The following TRAPPC9 variants were observed in gnomAD, a reference collection of about 807,000 sequenced individuals.
The protein encoded by TRAPPC9 is IKK2 binding protein.
Under a neutral mutation model 124.0 loss-of-function variants are expected in TRAPPC9, and 83 were observed. The ratio of observed to expected loss-of-function variants is 0.67; its 90% CI spans 0.56 to 0.80. The LOEUF is 0.80. TRAPPC9 is among the 30% of genes least tolerant of loss of function. The pLI, the probability that TRAPPC9 is intolerant of heterozygous loss-of-function variation, is 0.00. For missense variants in TRAPPC9, 1,302 were observed against 1,508.3 expected (o/e 0.86, Z 2.27); for synonymous variants, 638 against 617.5 (o/e 1.03, Z -0.49).
chr8:139,965,151 C>T (rs372109185), intron 19 of TRAPPC9, among the ~76,000 whole-genome samples: 24 of 152,336 alleles, frequency 1.6e-4, no homozygotes, highest in African/African-American at 5.5e-4. Flanking sequence ...GGCTTCTAAC[C>T]ACAAGGCAAG....
chr8:139,762,385 C>T (rs868447226), intron 21 of TRAPPC9, among the ~76,000 whole-genome samples: 12 of 152,108 alleles, frequency 7.9e-5, no homozygotes, highest in Non-Finnish European at 1.6e-4. Context: ...CTGAGAAATG[C>T]GTCATTAGGC....
intron 8 of TRAPPC9, among the ~76,000 whole-genome samples, chr8:140,364,149 A>C (rs1385431363): frequency 6.6e-6 from 1 of 152,032 alleles, no homozygotes; most frequent in Non-Finnish European, 1.5e-5. Context: ...AAGACCTCAG[A>C]CTGATGCAGT....
At chr8:140,076,266 C>A (rs1200488174) in intron 17 of TRAPPC9, among the ~76,000 whole-genome samples, 1 of 152,180 alleles carries the variant, frequency 6.6e-6, no homozygotes, top group African/African-American at 2.4e-5. Flanking sequence ...CAAAATGGCA[C>A]CCCGGAGAGC....
intron 21 of TRAPPC9, among the ~76,000 whole-genome samples, chr8:139,754,284 T>C (rs2130250719): frequency 6.6e-6 from 1 of 152,324 alleles, no homozygotes; most frequent in African/African-American, 2.4e-5. Flanking sequence ...GACTGCCTGG[T>C]CTCAGCTGCA....
chr8:139,958,795 A>C (rs1835164626), intron 19 of TRAPPC9, among the ~76,000 whole-genome samples: 1 of 152,304 alleles, frequency 6.6e-6, no homozygotes, highest in African/African-American at 2.4e-5. Flanking sequence ...TTTCCTTTCC[A>C]CAAGGAAAAG....
intron 3 of TRAPPC9, among the ~76,000 whole-genome samples, chr8:140,438,262 G>A (rs1361569242): frequency 6.6e-6 from 1 of 152,092 alleles, no homozygotes; most frequent in Admixed American, 6.6e-5. Context: ...TACAATCTGC[G>A]GCCTTTTTCA....
At position 139,894,815 on chromosome 8, in the gene TRAPPC9, C is replaced by T. The variant is rs150123072; in HGVS notation, c.2965-8846G>A. On this transcript the variant is annotated intron_variant, in intron 20 of 22. Transcript: ENST00000438773. ...ACGGCCCTCATGGCTCATGGGCACA[C>T]GAAGTCACGCTCAGAGCAGTGACCA... Among the ~76,000 whole-genome samples, 200 of 152,270 alleles carry T rather than the reference C, an allele frequency of 1.3e-3. 1 individual carries two copies. Among genetic ancestry groups the T allele is most frequent in the African/African-American group, 4.0e-3 (165 of 41,554 alleles).
chr8:140,282,402 C>T (rs375507912), intron 14 of TRAPPC9, among the ~76,000 whole-genome samples: 2 of 151,734 alleles, frequency 1.3e-5, no homozygotes, highest in African/African-American at 4.8e-5. Context: ...ACTCAGGAGG[C>T]TGAGGCAGGA....
At chr8:140,184,820 A>G (rs1175941655) in intron 17 of TRAPPC9, among the ~76,000 whole-genome samples, 1 of 152,170 alleles carries the variant, frequency 6.6e-6, no homozygotes, top group Non-Finnish European at 1.5e-5. Context: ...CAAAGCACAC[A>G]TCTAAATCCA....
At chr8:140,103,920 G>C (rs1477303937) in intron 17 of TRAPPC9, among the ~76,000 whole-genome samples, 1 of 152,216 alleles carries the variant, frequency 6.6e-6, no homozygotes, top group Non-Finnish European at 1.5e-5. Context: ...CTGGGAGAGA[G>C]AGACAGTGTA....
chr8:139,963,153 A>G (rs191698869), intron 19 of TRAPPC9, among the ~76,000 whole-genome samples: 3 of 152,294 alleles, frequency 2.0e-5, no homozygotes, highest in Admixed American at 1.3e-4. Context: ...ATCATGTAGC[A>G]AGGTTTAATT....
At chr8:140,136,343 C>A (rs547886734) in intron 17 of TRAPPC9, among the ~76,000 whole-genome samples, 2 of 152,168 alleles carry the variant, frequency 1.3e-5, no homozygotes, top group African/African-American at 4.8e-5. Flanking sequence ...GACAGGGGCA[C>A]GAGGCCCGGC....
Position 140,049,552 on chromosome 8 carries a change from C to CT in TRAPPC9, c.2557-25474_2557-25473insA, listed in dbSNP as rs370863868. Reference sequence around the variant, plus strand: ...AGATAAATCCTACAGGGCTCCCCCCCCCGAGACCACCAAATTATTTCCCTG... The same window carrying CT: ...AGATAAATCCTACAGGGCTCCCCCCCTCCGAGACCACCAAATTATTTCCCTG... On this transcript the variant is annotated intron_variant, in intron 17 of 22. Transcript: ENST00000438773. Among the ~76,000 whole-genome samples, 361 of 151,396 alleles carry CT rather than the reference C, an allele frequency of 2.4e-3. 1 individual carries two copies. The highest frequency in any genetic ancestry group is 7.0e-3 in the African/African-American group (290 of 41,230).
chr8:139,963,807 A>T (rs527810369), intron 19 of TRAPPC9, among the ~76,000 whole-genome samples: 1 of 150,586 alleles, frequency 6.6e-6, no homozygotes, highest in South Asian at 2.1e-4. Context: ...AAACACAAGG[A>T]TGCTTATTTC....
At chr8:140,128,037 A>G (rs1172817800) in intron 17 of TRAPPC9, among the ~76,000 whole-genome samples, 1 of 152,260 alleles carries the variant, frequency 6.6e-6, no homozygotes, top group African/African-American at 2.4e-5. Context: ...TTCATGGTGA[A>G]GAGCTAAATT....
intron 19 of TRAPPC9, among the ~76,000 whole-genome samples, chr8:139,917,559 C>G (rs145072059): frequency 7.2e-5 from 11 of 152,208 alleles, no homozygotes; most frequent in Admixed American, 1.3e-4. Flanking sequence ...AAAGCACCAT[C>G]GGAGAATGCA....
intron 21 of TRAPPC9, among the ~76,000 whole-genome samples, chr8:139,850,967 G>A (rs189778835): frequency 1.4e-3 from 220 of 152,242 alleles, no homozygotes; most frequent in African/African-American, 1.9e-3. Flanking sequence ...AGAGATCATC[G>A]TGTAAAAAGA....
chr8:139,806,223 A>G (rs571473594), intron 21 of TRAPPC9: 1 of 152,382 alleles, frequency 6.6e-6, no homozygotes, highest in South Asian at 2.1e-4. Flanking sequence ...CAAAGGGAGC[A>G]GCAGATCTTT....
At chr8:139,896,965 C>T (rs1328610865) in intron 20 of TRAPPC9, among the ~76,000 whole-genome samples, 1 of 152,246 alleles carries the variant, frequency 6.6e-6, no homozygotes, top group Non-Finnish European at 1.5e-5. Flanking sequence ...GATGAACACA[C>T]TGGCAACAGA....
Sources: allele counts gnomAD v4.1 joint callset (sites outside exome capture counted in the v4.1 genomes callset), GRCh38; gene constraint gnomAD v4.1.1; transcripts MANE v1.5; gene names NCBI Gene and HGNC (gene_info 2026-07-23, HGNC 2026-07-21).